UTP20: variants seen among roughly 807,000 people sequenced by gnomAD.
UTP20 encodes the protein UTP20 small subunit processome component, also known as small subunit processome component 20 homolog.
In UTP20, 164 loss-of-function variants were observed where a neutral mutation model predicts 329.5. The ratio of observed to expected loss-of-function variants is 0.50; its 90% CI spans 0.44 to 0.57. The LOEUF is 0.57. Among genes scored for constraint, UTP20 ranks in the 20% least tolerant of loss-of-function variants. The pLI is 0.00. For synonymous variants in UTP20, 1,151 were observed against 1,159.3 expected (o/e 0.99, Z 0.14); for missense variants, 3,055 against 3,284.2 (o/e 0.93, Z 1.71).
intron 35 of UTP20, among the ~76,000 whole-genome samples, chr12:101,343,517 A>AT (rs934415332): frequency 1.4e-4 from 21 of 150,046 alleles, no homozygotes; most frequent in African/African-American, 3.2e-4. Context: ...TGAATTGTAA[A>AT]TTTTTTTTTT....
rs751105622 is a variant in UTP20, at chr12:101,365,640, AAAC to A, written c.6125+18_6125+20del. The A allele has an allele frequency of 1.3e-6, 2 of 1,549,044 alleles. No individual in the cohort carries two copies. Among genetic ancestry groups the A allele is most frequent in the South Asian group, 2.5e-5 (2 of 80,902 alleles). ...GAGAAAGAAAAGTAAGTTGGAAAAA[AAAC>A]AAACTGTCATTTAGGTCTCTGCGTC... is the stretch of plus-strand genomic sequence containing the variant. On this transcript the variant is annotated intron_variant, in intron 46 of 61. Transcript: ENST00000261637.
intron 19 of UTP20, among the ~76,000 whole-genome samples, chr12:101,310,870 C>T (rs1872769824): frequency 6.6e-6 from 1 of 152,164 alleles, no homozygotes; most frequent in African/African-American, 2.4e-5. Flanking sequence ...CTTTCAAAGC[C>T]ATCAAAACCA....
At chr12:101,293,782 G>A (rs947879446) in intron 11 of UTP20, among the ~76,000 whole-genome samples, 2 of 151,800 alleles carry the variant, frequency 1.3e-5, no homozygotes, top group Non-Finnish European at 2.9e-5. Context: ...GAACACTTTT[G>A]TACCTGTCCA....
chr12:101,321,919 T>A (rs1039634268), intron 25 of UTP20, among the ~76,000 whole-genome samples: 44 of 152,128 alleles, frequency 2.9e-4, no homozygotes, highest in Non-Finnish European at 6.5e-4. Context: ...TGCTTTTTTT[T>A]TGAATTGTAC....
At chr12:101,344,301 A>G (rs1047665992) in intron 35 of UTP20, among the ~76,000 whole-genome samples, 3 of 152,210 alleles carry the variant, frequency 2.0e-5, no homozygotes, top group Non-Finnish European at 4.4e-5. Flanking sequence ...GCTTTAGTGA[A>G]CCTTTTAGAC....
chr12:101,286,399 G>A lies in UTP20; in HGVS notation c.405G>A (p.Ser135=), dbSNP rs139691544. 3.6e-4 allele frequency: 581 copies of A among 1,613,538 alleles called. 2 individuals are homozygous for A. The African/African-American group carries it at 6.1e-3, about 17-fold the overall frequency. Residue 135 remains serine (S), a synonymous_variant, in exon 5 of 62, where the codon TCG becomes TCA. Coordinates refer to ENST00000261637, the MANE Select transcript of UTP20 (RefSeq NM_014503.3). Reference sequence around the variant, plus strand: ...CAGAGTTTTTTTTGACTATCACCTCGATCCTGGAGACTCAGGACACAGAGT... The same window carrying A: ...CAGAGTTTTTTTTGACTATCACCTCAATCCTGGAGACTCAGGACACAGAGT... ...HFPEFFLTIT[S]ILETQDTELL...
In UTP20 at chr12:101,367,991, G is replaced by A; in HGVS notation, c.6384+15G>A. ...TGGATGTGAAGGTAAGCATCGGTTTGCACTCTGCATTGGAGCATTTATTTC... is the reference window on the plus strand; with the variant it reads ...TGGATGTGAAGGTAAGCATCGGTTTACACTCTGCATTGGAGCATTTATTTC... On this transcript the variant is annotated intron_variant, in intron 48 of 61. Coordinates refer to ENST00000261637, the MANE Select transcript of UTP20 (RefSeq NM_014503.3). 6.5e-7 allele frequency: 1 copy of A among 1,537,018 alleles called. No individual in the cohort carries two copies. The highest frequency in any genetic ancestry group is 9.0e-7 in the Non-Finnish European group (1 of 1,110,102).
chr12:101,382,893 A>T (rs1593458221), intron 58 of UTP20, 148 bp from the exon 59 acceptor site: 2 of 951,606 alleles, frequency 2.1e-6, no homozygotes, highest in Admixed American at 7.1e-5. Context: ...TGGAGCCTTC[A>T]TCATTTAATA....
intron 40 of UTP20, among the ~76,000 whole-genome samples, chr12:101,353,693 G>A (rs954826810): frequency 6.6e-6 from 1 of 152,002 alleles, no homozygotes; most frequent in Admixed American, 6.6e-5. Context: ...GACAGAGTGA[G>A]ACCCTATGTC....
intron 29 of UTP20, among the ~76,000 whole-genome samples, chr12:101,336,292 A>G (rs1202929631): frequency 6.6e-6 from 1 of 152,218 alleles, no homozygotes; most frequent in Non-Finnish European, 1.5e-5. Flanking sequence ...TTACTTTTTA[A>G]TTAAAAAAAT....
In UTP20 at chr12:101,346,572, A is replaced by G. The variant is rs1456536811; in HGVS notation, c.4868A>G (p.Asp1623Gly). ...CCTTATGCCATGACTCCAATTTTTG[A>G]TGAGAAAATGCTCAAGGTAGGTCAT... ...IMPYAMTPIF[D>G]EKMLKHENIT... Residue 1623 changes from aspartate to glycine, a missense_variant, in exon 38 of 62, where the codon GAT (aspartate) becomes GGT (glycine). Physicochemically the swap from Asp to Gly is moderately conservative, Grantham distance 94. This residue lies in a region of UTP20 where 2,445 missense variants were observed against 2,575.5 expected (regional missense o/e 0.95). Coordinates refer to ENST00000261637, the MANE Select transcript of UTP20 (RefSeq NM_014503.3). 2 of 1,600,064 alleles carry G rather than the reference A, an allele frequency of 1.2e-6. No homozygotes were observed. The highest frequency in any genetic ancestry group is 1.7e-6 in the Non-Finnish European group (2 of 1,174,982).
At chr12:101,350,643 A>G (rs1869484725) in intron 38 of UTP20, among the ~76,000 whole-genome samples, 1 of 152,130 alleles carries the variant, frequency 6.6e-6, no homozygotes, top group African/African-American at 2.4e-5. Flanking sequence ...TTTATGACTA[A>G]TATGGCCCTG....
At position 101,385,964 on chromosome 12, in the gene UTP20, C is replaced by G; in HGVS notation, c.8203-4C>G. The G allele has an allele frequency of 6.4e-7, 1 of 1,555,840 alleles. No individual in the cohort carries two copies. The highest frequency in any genetic ancestry group is 8.7e-7 in the Non-Finnish European group (1 of 1,148,782). On this transcript the variant is annotated splice_polypyrimidine_tract_variant and splice_region_variant and intron_variant, in intron 61 of 61. Transcript: ENST00000261637. ...TAATATAAAATTTCTATTCTCTTTT[C>G]CAGTTTGTAACTAATCCTGATATTG...
chr12:101,339,569 T>C (rs1869052429), intron 31 of UTP20, among the ~76,000 whole-genome samples: 1 of 152,158 alleles, frequency 6.6e-6, no homozygotes, highest in Non-Finnish European at 1.5e-5. Context: ...TGTTTAGCAT[T>C]TGTGTATTTT....
chr12:101,371,591 T>C (rs973541352), intron 51 of UTP20, among the ~76,000 whole-genome samples: 3 of 132,062 alleles, frequency 2.3e-5, no homozygotes, highest in African/African-American at 9.0e-5. Flanking sequence ...AGTGGTGCAG[T>C]GGCGCGATCT....
At position 101,343,089 on chromosome 12, in the gene UTP20, T is replaced by A. The variant is rs1335301064; in HGVS notation, c.4445T>A (p.Leu1482Gln). Residue 1482 changes from leucine to glutamine, a missense_variant, in exon 35 of 62, where the codon CTA becomes CAA. By Grantham distance (113) the Leu-to-Gln change is moderately radical. Transcript: ENST00000261637. The part of the protein sequence containing the change: ...IPVMHNCFYN[L>Q]ELGDMSLSDN... ...GTTATGCATAATTGTTTCTATAATC[T>A]AGAGGTAGGTTATTATAGCAAAATT... 6.3e-7 allele frequency: 1 copy of A among 1,598,056 alleles called. No homozygotes were observed. Among genetic ancestry groups the A allele is most frequent in the Non-Finnish European group, 8.5e-7 (1 of 1,172,664 alleles).
rs1870251610 is a variant in UTP20, at chr12:101,370,547, C to G, written c.6671C>G (p.Ala2224Gly). The stretch of plus-strand genomic sequence containing the variant: ...TATGATACTTCAAGACAAGCCACTG[C>G]CTTTGGTCTTCTGAAGGTATGCTGT... Reference protein sequence around the residue: ...DIYDTSRQATAFGLLKAILSR... With the variant: ...DIYDTSRQATGFGLLKAILSR... The change falls in exon 50 of 62, where the codon GCC (alanine) becomes GGC (glycine). Residue 2224 changes from alanine (A) to glycine (G), a missense_variant. By Grantham distance (60) the Ala-to-Gly change is moderately conservative (BLOSUM62 0). This residue lies in a region of UTP20 where 273 missense variants were observed against 363.1 expected (regional missense o/e 0.75). Transcript: ENST00000261637. The G allele has an allele frequency of 6.2e-7, 1 of 1,612,996 alleles. No individual in the cohort carries two copies. The highest frequency in any genetic ancestry group is 1.3e-5 in the African/African-American group (1 of 75,004).
rs148941707 is a variant in UTP20, at chr12:101,359,184, C to A, written c.5691+2102C>A. 9.9e-5 allele frequency among the ~76,000 whole-genome samples: 15 copies of A among 152,208 alleles called. No homozygotes were observed. In the East Asian group the frequency reaches 2.9e-3, roughly 29 times the overall value. ...GTTCAAGCAGTTCTCATGCCTCAGC[C>A]TCCGAAGTAGCTGGGATTACAGGCA... On this transcript the variant is annotated intron_variant, in intron 43 of 61. Transcript: ENST00000261637.
In UTP20 at chr12:101,366,468, G is replaced by A. The variant is rs1013561536; in HGVS notation, c.6126-90G>A. 2.7e-5 allele frequency: 40 copies of A among 1,483,786 alleles called. 1 individual carries two copies. The South Asian group carries it at 3.6e-4, about 13-fold the overall frequency. 91.9% of individuals were successfully genotyped at this position (1,483,786 alleles called of 1,614,324 possible). On this transcript the variant is annotated intron_variant, in intron 46 of 61. Transcript: ENST00000261637. ...GCAAATGGCACATTATTTAGTGCTG[G>A]GCTCTCGTCACTTTAGAAGGGCCAC...
Sources: gnomAD v4.1 joint callset for allele counts (sites outside exome capture counted in the v4.1 genomes callset) on GRCh38, gnomAD v4.1.1 for gene constraint, gnomAD v4.1.1 regional missense constraint, MANE v1.5 for transcripts, NCBI Gene and HGNC (gene_info 2026-07-23, HGNC 2026-07-21) for gene names.